The following KLF8 variants were observed in gnomAD, a reference collection of about 807,000 sequenced individuals.
The protein encoded by KLF8 is KLF transcription factor 8.
A neutral mutation model predicts 18.2 loss-of-function variants in KLF8; 10 were observed. The observed-to-expected ratio is 0.55, with a 90% CI of 0.34 to 0.93. The LOEUF (loss-of-function observed/expected upper bound fraction) is 0.93. Among genes scored for constraint, KLF8 ranks in the 40% least tolerant of loss-of-function variants. The pLI, the probability that KLF8 is intolerant of heterozygous loss-of-function variation, is 0.02. For synonymous variants in KLF8, 109 were observed against 97.3 expected (o/e 1.12, Z -0.71); for missense variants, 264 against 277.9 (o/e 0.95, Z 0.36).
intron 1 of KLF8, among the ~76,000 whole-genome samples, chrX:56,238,941 G>A (rs1482924062): frequency 2.7e-5 from 3 of 111,896 alleles, no homozygotes; most frequent in Non-Finnish European, 5.6e-5. Flanking sequence ...TATCAGTTTA[G>A]GTGGGACCCT....
At chrX:56,025,780 T>C in the KLF8 span, among the ~76,000 whole-genome samples, 1 of 111,859 alleles carries the variant, frequency 8.9e-6, no homozygotes, top group African/African-American at 3.2e-5. Flanking sequence ...CTGATCACTT[T>C]CTGGATTACA....
At chrX:56,212,936 C>A in the KLF8 span, among the ~76,000 whole-genome samples, 1 of 111,889 alleles carries the variant, frequency 8.9e-6, no homozygotes, top group East Asian at 2.8e-4. Context: ...TTAGCCTAGG[C>A]AGCCTGGAGG....
the KLF8 span, among the ~76,000 whole-genome samples, chrX:56,108,032 C>A: frequency 1.8e-5 from 2 of 112,007 alleles, no homozygotes; most frequent in African/African-American, 6.5e-5. Context: ...TGTAGAAACA[C>A]AACCGATTTT....
rs2067294212 is a variant in KLF8, at chrX:56,288,727, C to G, written c.*4233C>G. Among the ~76,000 whole-genome samples, 1 of 112,669 alleles carries G rather than the reference C, an allele frequency of 8.9e-6. No individual in the cohort carries two copies. Among genetic ancestry groups the G allele is most frequent in the Non-Finnish European group, 1.9e-5 (1 of 53,378 alleles). On this transcript the variant is annotated 3_prime_UTR_variant, in exon 6 of 6. Coordinates refer to ENST00000468660, the MANE Select transcript of KLF8 (RefSeq NM_007250.5). The stretch of plus-strand genomic sequence containing the variant: ...GGCACAAACACGAAGTGAGCACATG[C>G]TGTTGGAAAAATGGTGCCAATAGAC...
chrX:55,942,857 G>C, the KLF8 span, among the ~76,000 whole-genome samples: 1 of 112,106 alleles, frequency 8.9e-6, no homozygotes, highest in Non-Finnish European at 1.9e-5. Flanking sequence ...CTGGTGCATA[G>C]TCATCAAGTA....
the KLF8 span, among the ~76,000 whole-genome samples, chrX:56,034,773 T>TTTTTTTTTTA: frequency 1.2e-5 from 1 of 84,482 alleles, no homozygotes; most frequent in Non-Finnish European, 2.2e-5. Context: ...TTTTTTTTTT[T>TTTTTTTTTTA]GAGATGGAGT....
chrX:56,248,307 A>G (rs1215039044), intron 1 of KLF8, among the ~76,000 whole-genome samples: 3 of 80,724 alleles, frequency 3.7e-5, no homozygotes, highest in Non-Finnish European at 6.1e-5. Context: ...TTAAAGTATG[A>G]AAAAAAAAAG....
At chrX:56,172,455 A>T in the KLF8 span, among the ~76,000 whole-genome samples, 3 of 111,568 alleles carry the variant, frequency 2.7e-5, 1 homozygote, top group Admixed American at 2.9e-4. Context: ...TTATGGCTGC[A>T]TAGTATTCCT....
At chrX:56,008,132 A>G in the KLF8 span, among the ~76,000 whole-genome samples, 3 of 107,990 alleles carry the variant, frequency 2.8e-5, no homozygotes, top group African/African-American at 1.1e-4. Context: ...ATATATATAT[A>G]TATATACACA....
At chrX:56,106,928 G>A in the KLF8 span, among the ~76,000 whole-genome samples, 1 of 111,962 alleles carries the variant, frequency 8.9e-6, no homozygotes, top group African/African-American at 3.2e-5. Context: ...TGATGTTGAT[G>A]CTATTCCTTT....
At chrX:56,004,469 T>C in the KLF8 span, among the ~76,000 whole-genome samples, 1 of 111,903 alleles carries the variant, frequency 8.9e-6, no homozygotes, top group Non-Finnish European at 1.9e-5. Flanking sequence ...CAGGTGCTTT[T>C]AGTACCCCTA....
the KLF8 span, among the ~76,000 whole-genome samples, chrX:56,175,450 T>C: frequency 8.9e-6 from 1 of 112,182 alleles, no homozygotes; most frequent in East Asian, 2.8e-4. Flanking sequence ...GATTGCACTG[T>C]GGTCTGAGAG....
chrX:56,091,296 C>T, the KLF8 span, among the ~76,000 whole-genome samples: 1 of 110,378 alleles, frequency 9.1e-6, no homozygotes, highest in Admixed American at 9.7e-5. Context: ...CACCTGCCGC[C>T]GTGTAAGACA....
the KLF8 span, among the ~76,000 whole-genome samples, chrX:56,058,279 C>CATAT: frequency 9.0e-3 from 65 of 7,262 alleles, 1 homozygote; most frequent in Admixed American, 0.022. Flanking sequence ...CATATATATA[C>CATAT]ATATATATAT....
At chrX:56,013,617 G>A in the KLF8 span, among the ~76,000 whole-genome samples, 1 of 111,218 alleles carries the variant, frequency 9.0e-6, no homozygotes, top group Admixed American at 9.6e-5. Context: ...ATTGAATCAT[G>A]GGGGTGATTT....
chrX:56,226,413 C>T, the KLF8 span, among the ~76,000 whole-genome samples: 2 of 111,673 alleles, frequency 1.8e-5, no homozygotes, highest in Non-Finnish European at 3.8e-5. Context: ...AATAGCATTA[C>T]CATAAATGGA....
In KLF8 at chrX:56,285,804, A is replaced by G. The variant is rs1439010900; in HGVS notation, c.*1310A>G. On this transcript the variant is annotated 3_prime_UTR_variant, in exon 6 of 6. Transcript: ENST00000468660. ...CAAAATCCTCTGTTCCTGGCCCTGGACCACAGATCTACCTCCACATGGCAT... is the reference window on the plus strand; with the variant it reads ...CAAAATCCTCTGTTCCTGGCCCTGGGCCACAGATCTACCTCCACATGGCAT... 1 of 111,468 alleles carries G rather than the reference A, an allele frequency of 9.0e-6. No homozygotes were observed. Among genetic ancestry groups the G allele is most frequent in the Non-Finnish European group, 1.9e-5 (1 of 53,062 alleles). The allele number at this position is 111,468 out of a possible 1,213,427, so 9.2% of individuals were successfully genotyped here.
the KLF8 span, among the ~76,000 whole-genome samples, chrX:56,051,120 G>T: frequency 9.0e-6 from 1 of 110,608 alleles, no homozygotes; most frequent in Non-Finnish European, 1.9e-5. Flanking sequence ...CCATTGTCTT[G>T]GTAGATCTTC....
chrX:55,990,117 G>A, the KLF8 span, among the ~76,000 whole-genome samples: 7 of 111,433 alleles, frequency 6.3e-5, no homozygotes, highest in Non-Finnish European at 9.4e-5. Context: ...AGTCTTGCTA[G>A]TGATCTATCA....
Sources: gnomAD v4.1 joint callset for allele counts (sites outside exome capture counted in the v4.1 genomes callset) on GRCh38, gnomAD v4.1.1 for gene constraint, MANE v1.5 for transcripts, NCBI Gene and HGNC (gene_info 2026-07-23, HGNC 2026-07-21) for gene names.